The following BNC2 variants were observed in gnomAD, a reference collection of about 807,000 sequenced individuals.
The protein encoded by BNC2 is basonuclin zinc finger protein 2, also known as zinc finger protein basonuclin-2.
A neutral mutation model predicts 76.3 loss-of-function variants in BNC2; 20 were observed. That is an observed-to-expected ratio of 0.26 (90% CI 0.18 to 0.38). The LOEUF (loss-of-function observed/expected upper bound fraction) is 0.38, where lower values mean the gene tolerates loss of function less well. Among genes scored for constraint, BNC2 ranks in the 10% least tolerant of loss-of-function variants. The pLI is 1.00. For missense variants in BNC2, 1,382 were observed against 1,399.8 expected (o/e 0.99, Z 0.20); for synonymous variants, 582 against 514.8 (o/e 1.13, Z -1.77).
intron 5 of BNC2, among the ~76,000 whole-genome samples, chr9:16,471,018 G>A (rs1182341102): frequency 6.6e-6 from 1 of 152,172 alleles, no homozygotes; most frequent in African/African-American, 2.4e-5. Context: ...GCCCATGAAA[G>A]CAGCTGGGAG....
chr9:16,709,224 C>G (rs931118605), intron 3 of BNC2, among the ~76,000 whole-genome samples: 6 of 152,114 alleles, frequency 3.9e-5, no homozygotes, highest in Non-Finnish European at 8.8e-5. Flanking sequence ...ACTCCTGGTC[C>G]AGTTACTAAA....
intron 1 of BNC2, among the ~76,000 whole-genome samples, chr9:16,820,928 A>T (rs568012269): frequency 7.2e-5 from 11 of 152,270 alleles, no homozygotes; most frequent in Non-Finnish European, 1.5e-4. Flanking sequence ...CAAGTAGGCC[A>T]GGCGCAGTGT....
intron 5 of BNC2, among the ~76,000 whole-genome samples, chr9:16,527,806 T>C (rs1817857088): frequency 6.6e-6 from 1 of 152,178 alleles, no homozygotes; most frequent in Admixed American, 6.5e-5. Context: ...CACGAACAAC[T>C]GCCTGTCACC....
intron 5 of BNC2, among the ~76,000 whole-genome samples, chr9:16,545,499 A>G (rs1204983663): frequency 6.6e-6 from 1 of 152,124 alleles, no homozygotes; most frequent in Non-Finnish European, 1.5e-5. Flanking sequence ...TTTTTCACAC[A>G]TCTAGTAAGA....
intron 3 of BNC2, among the ~76,000 whole-genome samples, chr9:16,670,960 T>G (rs1016254341): frequency 6.6e-6 from 1 of 152,156 alleles, no homozygotes; most frequent in African/African-American, 2.4e-5. Context: ...TTGCCCCACC[T>G]GAGTCATGCT....
chr9:16,721,758 T>C (rs1288156284), intron 3 of BNC2, among the ~76,000 whole-genome samples: 1 of 152,178 alleles, frequency 6.6e-6, no homozygotes, highest in Non-Finnish European at 1.5e-5. Context: ...AAAGTCAACC[T>C]ACCCGATTCA....
At chr9:16,793,006 G>C (rs1473237591) in intron 1 of BNC2, among the ~76,000 whole-genome samples, 2 of 152,192 alleles carry the variant, frequency 1.3e-5, no homozygotes, top group African/African-American at 4.8e-5. Flanking sequence ...AGTGAGAAAA[G>C]ATTCTCAATA....
chr9:16,506,210 C>G (rs182527463), intron 5 of BNC2, among the ~76,000 whole-genome samples: 1 of 152,308 alleles, frequency 6.6e-6, no homozygotes, highest in East Asian at 1.9e-4. Flanking sequence ...AAACTTTTTA[C>G]AGGCATAACA....
At chr9:16,543,244 T>TA (rs1818379165) in intron 5 of BNC2, among the ~76,000 whole-genome samples, 1 of 152,196 alleles carries the variant, frequency 6.6e-6, no homozygotes, top group East Asian at 1.9e-4. Context: ...AAAGCTCCTT[T>TA]AAGAAGGCAC....
At chr9:16,802,259 T>TAA (rs1563949870) in intron 1 of BNC2, among the ~76,000 whole-genome samples, 1 of 152,174 alleles carries the variant, frequency 6.6e-6, no homozygotes, top group East Asian at 1.9e-4. Flanking sequence ...GAGAAACCAT[T>TAA]AGAGGGCTCC....
At chr9:16,457,902 G>A (rs1037395078) in intron 5 of BNC2, among the ~76,000 whole-genome samples, 2 of 152,086 alleles carry the variant, frequency 1.3e-5, no homozygotes, top group Non-Finnish European at 2.9e-5. Flanking sequence ...ATGCACTAGT[G>A]TTTCAGATCT....
intron 3 of BNC2, among the ~76,000 whole-genome samples, chr9:16,724,334 T>C (rs1343269478): frequency 1.3e-5 from 2 of 151,890 alleles, no homozygotes; most frequent in African/African-American, 4.8e-5. Flanking sequence ...TCAAGTGTGA[T>C]TAAAAAAAAA....
chr9:16,521,604 A>T (rs1033732867), intron 5 of BNC2, among the ~76,000 whole-genome samples: 3 of 152,148 alleles, frequency 2.0e-5, no homozygotes, highest in African/African-American at 7.2e-5. Flanking sequence ...TTAAAGACTC[A>T]CCAATAATTC....
intron 5 of BNC2, among the ~76,000 whole-genome samples, chr9:16,478,493 C>G (rs1178591145): frequency 6.6e-6 from 1 of 152,212 alleles, no homozygotes; most frequent in Non-Finnish European, 1.5e-5. Flanking sequence ...ACACAAAATA[C>G]AAACATTTTC....
intron 1 of BNC2, among the ~76,000 whole-genome samples, chr9:16,808,479 CTTTT>C (rs768028981): frequency 1.7e-4 from 13 of 78,718 alleles, no homozygotes; most frequent in East Asian, 9.9e-4. Flanking sequence ...TCTTGGGCAA[CTTTT>C]TTTTTTTTTT....
intron 3 of BNC2, among the ~76,000 whole-genome samples, chr9:16,689,498 AAACT>A (rs1186951460): frequency 1.3e-5 from 2 of 152,186 alleles, no homozygotes; most frequent in South Asian, 2.1e-4. Flanking sequence ...CTAAATAAAC[AAACT>A]AACTTCCATG....
At chr9:16,465,544 T>C (rs981603853) in intron 5 of BNC2, among the ~76,000 whole-genome samples, 6 of 149,102 alleles carry the variant, frequency 4.0e-5, no homozygotes, top group Non-Finnish European at 8.9e-5. Flanking sequence ...ACACCAGCCA[T>C]AAAAACAATT....
intron 3 of BNC2, among the ~76,000 whole-genome samples, chr9:16,711,805 T>G (rs1172107678): frequency 6.6e-6 from 1 of 152,060 alleles, no homozygotes; most frequent in Non-Finnish European, 1.5e-5. Context: ...CAGGACAGAG[T>G]CTGCTTTATT....
chr9:16,732,768 A>G (rs1007092882), intron 2 of BNC2, among the ~76,000 whole-genome samples: 14 of 152,240 alleles, frequency 9.2e-5, no homozygotes, highest in Middle Eastern at 3.2e-3. Flanking sequence ...TTGTCAAGAC[A>G]AAACTGTCCC....
Sources: allele counts gnomAD v4.1 joint callset (sites outside exome capture counted in the v4.1 genomes callset), GRCh38; gene constraint gnomAD v4.1.1; transcripts MANE v1.5; gene names NCBI Gene and HGNC (gene_info 2026-07-23, HGNC 2026-07-21).